Variants in SLC17A4 observed in about 807,000 individuals in gnomAD.
SLC17A4 encodes solute carrier family 17 member 4, also known as probable small intestine urate exporter.
SLC17A4 carries 33 observed loss-of-function variants against 52.5 expected under a neutral mutation model. The ratio of observed to expected loss-of-function variants is 0.63; its 90% CI spans 0.48 to 0.84. The LOEUF is 0.84. Among genes scored for constraint, SLC17A4 ranks in the 40% least tolerant of loss-of-function variants. The probability of loss-of-function intolerance (pLI) is 0.00; values close to 1 mark genes in which losing one functional copy is unlikely to be tolerated. For missense variants in SLC17A4, 585 were observed against 597.1 expected, an observed-to-expected ratio of 0.98 and a Z score of 0.21; for synonymous variants, 225 against 216.2, an observed-to-expected ratio of 1.04 and a Z score of -0.36.
intron 1 of SLC17A4, among the ~76,000 whole-genome samples, chr6:25,761,037 A>G (rs1761486763): frequency 6.6e-6 from 1 of 152,216 alleles, no homozygotes; most frequent in Non-Finnish European, 1.5e-5. Flanking sequence ...CTTCATCTGC[A>G]GTAATTCTGT....
rs1289171993 is a variant in SLC17A4, at chr6:25,769,072, C to T, written c.179C>T (p.Ala60Val). ...ACCCAACAAATGAACTTGAGCATTG[C>T]CATCCCAGCTATGGTGAACAACACA... is the stretch of plus-strand genomic sequence containing the variant. ...IYTQQMNLSI[A>V]IPAMVNNTAP... is the part of the protein sequence containing the mutation. The change falls in exon 3 of 12, where the codon GCC (alanine) becomes GTC (valine). Residue 60 changes from alanine to valine, a missense_variant. By Grantham distance (64) the Ala-to-Val change is moderately conservative (BLOSUM62 0). Transcript: ENST00000377905. 2 of 1,614,112 alleles carry T rather than the reference C, an allele frequency of 1.2e-6. No homozygotes were observed. Among genetic ancestry groups the T allele is most frequent in the Non-Finnish European group, 1.7e-6 (2 of 1,179,992 alleles).
At chr6:25,770,787 T>C (rs2151442915) in intron 5 of SLC17A4, 139 bp from the exon 6 acceptor site, 1 of 709,252 alleles carries the variant, frequency 1.4e-6, no homozygotes, top group Non-Finnish European at 2.5e-6. Context: ...CAAGATCACA[T>C]AGTTACCAAG....
intron 11 of SLC17A4, among the ~76,000 whole-genome samples, chr6:25,778,454 T>C (rs927479158): frequency 1.3e-5 from 2 of 152,132 alleles, no homozygotes; most frequent in African/African-American, 2.4e-5. Context: ...GGCACTAGCA[T>C]ACTGTCAGGA....
At chr6:25,757,019 G>A (rs918277846) in intron 1 of SLC17A4, among the ~76,000 whole-genome samples, 2 of 152,148 alleles carry the variant, frequency 1.3e-5, no homozygotes, top group African/African-American at 4.8e-5. Flanking sequence ...ATTTTACCAA[G>A]TTTCTTTTCA....
chr6:25,775,461 C>T lies in SLC17A4; in HGVS notation c.988-1134C>T, dbSNP rs571443380. On this transcript the variant is annotated intron_variant, in intron 8 of 11. Coordinates refer to ENST00000377905, the MANE Select transcript of SLC17A4 (RefSeq NM_005495.3). ...TTTTTCTTTCTTTCTTTTGAGACAA[C>T]GTCTCACTGTGTTGCCCAGGCTGGA... is the stretch of plus-strand genomic sequence containing the variant. Among the ~76,000 whole-genome samples the T allele has an allele frequency of 2.9e-3, 440 of 152,082 alleles. 1 individual carries two copies. Among genetic ancestry groups the T allele is most frequent in the Middle Eastern group, 6.8e-3 (2 of 292 alleles).
chr6:25,778,064 G>T, intron 11 of SLC17A4, 48 bp downstream of exon 11: 1 of 1,504,396 alleles, frequency 6.6e-7, no homozygotes, highest in Non-Finnish European at 9.2e-7. Flanking sequence ...ACCTATAGAG[G>T]CATGGTTTTT....
At position 25,770,995 on chromosome 6, in the gene SLC17A4, A is replaced by T. The variant is rs757167403; in HGVS notation, c.689A>T (p.Tyr230Phe). Residue 230 changes from tyrosine (Y) to phenylalanine (F), a missense_variant, in exon 6 of 12, where the codon TAC becomes TTC. Transcript: ENST00000377905. ...GLLCQTIGWP[Y>F]VFYIFGGIGC... ...CTCTGCCAGACCATAGGATGGCCTT[A>T]CGTCTTCTATATCTTTGGTGAGTGT... is the stretch of plus-strand genomic sequence containing the variant. The T allele has an allele frequency of 2.2e-5, 35 of 1,613,594 alleles. No homozygotes were observed. In the Admixed American group the frequency reaches 5.8e-4, roughly 27 times the overall value.
At chr6:25,758,067 G>A (rs1037935981) in intron 1 of SLC17A4, among the ~76,000 whole-genome samples, 13 of 152,204 alleles carry the variant, frequency 8.5e-5, no homozygotes, top group Non-Finnish European at 1.5e-4. Flanking sequence ...AGCCTCCAGT[G>A]TGGTGTAGAC....
At position 25,770,239 on chromosome 6, in the gene SLC17A4, T is replaced by C; in HGVS notation, c.470T>C (p.Leu157Pro). The C allele has an allele frequency of 3.1e-6, 5 of 1,614,122 alleles. No homozygotes were observed. Among genetic ancestry groups the C allele is most frequent in the Middle Eastern group, 3.3e-4 (2 of 6,062 alleles). ...ISSFLTLFIP[L>P]AANAGVALLI... Reference sequence around the variant, plus strand: ...TCATTCCTGACCCTCTTCATTCCACTGGCAGCTAATGCGGGAGTGGCCTTG... The same window carrying C: ...TCATTCCTGACCCTCTTCATTCCACCGGCAGCTAATGCGGGAGTGGCCTTG... Residue 157 changes from leucine (L) to proline (P), a missense_variant, in exon 4 of 12, where the codon CTG becomes CCG. Physicochemically the swap from Leu to Pro is moderately conservative, Grantham distance 98. Coordinates refer to ENST00000377905, the MANE Select transcript of SLC17A4 (RefSeq NM_005495.3).
intron 1 of SLC17A4, among the ~76,000 whole-genome samples, chr6:25,756,381 C>T (rs1351811212): frequency 6.6e-6 from 1 of 152,194 alleles, no homozygotes; most frequent in African/African-American, 2.4e-5. Flanking sequence ...CACACAACCA[C>T]ACTAGGTAAG....
Position 25,777,985 on chromosome 6 carries a change from C to G in SLC17A4, c.1328C>G (p.Ser443Cys). The G allele has an allele frequency of 1.2e-6, 2 of 1,612,870 alleles. No homozygotes were observed. The highest frequency in any genetic ancestry group is 1.7e-6 in the Non-Finnish European group (2 of 1,179,654). The change falls in exon 11 of 12, where the codon TCT becomes TGT. Residue 443 changes from serine to cysteine, a missense_variant. Physicochemically the swap from Ser to Cys is moderately radical, Grantham distance 112. Transcript: ENST00000377905. ...TTTGCACACATAGCTGGAGCCATCTCTCCTACTGCTGCTGGATTTTTCATC... is the reference window on the plus strand; with the variant it reads ...TTTGCACACATAGCTGGAGCCATCTGTCCTACTGCTGCTGGATTTTTCATC... ...QVFAHIAGAI[S>C]PTAAGFFISQ...
intron 1 of SLC17A4, among the ~76,000 whole-genome samples, chr6:25,758,222 C>T (rs1163349447): frequency 1.3e-5 from 2 of 152,204 alleles, no homozygotes; most frequent in Admixed American, 6.5e-5. Flanking sequence ...TCCTTGCAGG[C>T]AGCTCCTATA....
At chr6:25,769,238 A>C (rs1762272550) in intron 3 of SLC17A4, 48 bp downstream of exon 3, 2 of 1,514,468 alleles carry the variant, frequency 1.3e-6, no homozygotes, top group Non-Finnish European at 1.8e-6. Flanking sequence ...AAATAATTTG[A>C]CTTAAAGAGT....
intron 2 of SLC17A4, among the ~76,000 whole-genome samples, chr6:25,765,314 C>T (rs1044897370): frequency 1.3e-5 from 2 of 152,212 alleles, no homozygotes; most frequent in Non-Finnish European, 2.9e-5. Context: ...TGTATTAATT[C>T]ATTGAATTCT....
intron 1 of SLC17A4, among the ~76,000 whole-genome samples, chr6:25,758,734 A>G (rs1474862724): frequency 1.6e-5 from 1 of 60,856 alleles, no homozygotes; most frequent in African/African-American, 3.7e-5. Context: ...ATCTTTTCAA[A>G]GAACCAGCTT....
chr6:25,773,675 G>A lies in SLC17A4; in HGVS notation c.987+1G>A. 1 of 1,612,774 alleles carries A rather than the reference G, an allele frequency of 6.2e-7. No individual in the cohort carries two copies. The highest frequency in any genetic ancestry group is 1.1e-5 in the South Asian group (1 of 90,914). ...GGTACTTCAAGCCAACCTCAGAGAT[G>A]TAAGTACAGAGAAAGCTCATTCTGA... On this transcript the variant is annotated splice_donor_variant, in intron 8 of 11. Coordinates refer to ENST00000377905, the MANE Select transcript of SLC17A4 (RefSeq NM_005495.3). LOFTEE classifies it high-confidence loss of function.
At chr6:25,759,212 C>T (rs1236096511) in intron 1 of SLC17A4, among the ~76,000 whole-genome samples, 1 of 152,014 alleles carries the variant, frequency 6.6e-6, no homozygotes, top group African/African-American at 2.4e-5. Flanking sequence ...TGTTTTGTGG[C>T]CTATCATATG....
At chr6:25,770,546 G>C in intron 5 of SLC17A4, 75 bp downstream of exon 5, 1 of 1,288,218 alleles carries the variant, frequency 7.8e-7, no homozygotes, top group Non-Finnish European at 1.1e-6. Context: ...ACAGAACCAA[G>C]ATCTTATATA....
rs1178984676 is a variant in SLC17A4 at position 25,780,990 on chromosome 6, ACT to A, written c.*1805_*1806del. The A allele has an allele frequency of 2.0e-5, 3 of 152,020 alleles. No individual in the cohort carries two copies. Among genetic ancestry groups the A allele is most frequent in the Admixed American group, 2.0e-4 (3 of 15,244 alleles). The allele number at this position is 152,020 out of a possible 1,614,324, so 9.4% of individuals were successfully genotyped here. ...CAACAAGAAGGAAAATGGACACATG[ACT>A]CTGGATTTCTCTTGTGAGACCTGGG... On this transcript the variant is annotated 3_prime_UTR_variant, in exon 12 of 12. Coordinates refer to ENST00000377905, the MANE Select transcript of SLC17A4 (RefSeq NM_005495.3).
Sources: gnomAD v4.1 joint callset for allele counts (sites outside exome capture counted in the v4.1 genomes callset) on GRCh38, gnomAD v4.1.1 for gene constraint, MANE v1.5 for transcripts, NCBI Gene and HGNC (gene_info 2026-07-23, HGNC 2026-07-21) for gene names.